The following PARVA variants were observed in gnomAD, a reference collection of about 807,000 sequenced individuals.
The protein encoded by PARVA is alpha-parvin.
PARVA carries 25 observed loss-of-function variants against 52.6 expected under a neutral mutation model. The observed-to-expected ratio is 0.48, with a 90% CI of 0.35 to 0.66. PARVA has a LOEUF of 0.66. Ranked by LOEUF, PARVA falls within the 30% of genes least tolerant of loss-of-function variation. The pLI is 0.01. For missense variants in PARVA, 373 were observed against 450.9 expected (o/e 0.83, Z 1.56); for synonymous variants, 185 against 179.1 (o/e 1.03, Z -0.26).
intron 1 of PARVA, among the ~76,000 whole-genome samples, chr11:12,389,000 C>T (rs889056695): frequency 1.3e-5 from 2 of 152,042 alleles, no homozygotes; most frequent in Non-Finnish European, 2.9e-5. Flanking sequence ...TAGGTTAGAA[C>T]TGATAGCCAA....
At chr11:12,423,399 C>T (rs547993558) in intron 1 of PARVA, among the ~76,000 whole-genome samples, 6 of 148,724 alleles carry the variant, frequency 4.0e-5, no homozygotes, top group African/African-American at 5.0e-5. Flanking sequence ...CCATGTTGGC[C>T]GGGCTGACCT....
At chr11:12,485,482 A>G (rs746190664) in intron 4 of PARVA, among the ~76,000 whole-genome samples, 23 of 152,194 alleles carry the variant, frequency 1.5e-4, no homozygotes, top group Admixed American at 6.6e-4. Context: ...AAAAATATAT[A>G]TACAGGGCCA....
At chr11:12,493,713 G>A (rs1410269318) in intron 4 of PARVA, among the ~76,000 whole-genome samples, 2 of 152,138 alleles carry the variant, frequency 1.3e-5, no homozygotes, top group Non-Finnish European at 2.9e-5. Context: ...AACAATGGAT[G>A]CTTCAGTAAG....
At chr11:12,378,064 C>T (rs952175436) in intron 1 of PARVA, among the ~76,000 whole-genome samples, 11 of 150,558 alleles carry the variant, frequency 7.3e-5, no homozygotes, top group East Asian at 2.0e-4. Context: ...CCCGCCGGGC[C>T]GTGGGCGGGC....
At chr11:12,389,411 A>G (rs932720991) in intron 1 of PARVA, among the ~76,000 whole-genome samples, 1 of 152,104 alleles carries the variant, frequency 6.6e-6, no homozygotes, top group Non-Finnish European at 1.5e-5. Context: ...TGTGAGACCC[A>G]GTGGAGGTCT....
chr11:12,386,310 C>T (rs906971208), intron 1 of PARVA, among the ~76,000 whole-genome samples: 1 of 152,216 alleles, frequency 6.6e-6, no homozygotes, highest in Admixed American at 6.5e-5. Flanking sequence ...ATCCCCCAAA[C>T]ATGTCATTTT....
chr11:12,393,941 C>T (rs1186377452), intron 1 of PARVA, among the ~76,000 whole-genome samples: 1 of 152,150 alleles, frequency 6.6e-6, no homozygotes, highest in African/African-American at 2.4e-5. Flanking sequence ...GTTTTCTTCC[C>T]ACATATAACT....
chr11:12,502,127 G>T (rs969120082), intron 5 of PARVA, among the ~76,000 whole-genome samples: 1 of 152,112 alleles, frequency 6.6e-6, no homozygotes, highest in Non-Finnish European at 1.5e-5. Context: ...TAGTTAACAA[G>T]GCCCGAAAGC....
chr11:12,446,507 A>T (rs1335510125), intron 1 of PARVA, among the ~76,000 whole-genome samples: 3 of 152,210 alleles, frequency 2.0e-5, no homozygotes, highest in African/African-American at 7.2e-5. Context: ...AATATATCCT[A>T]AAGTAATAAA....
At chr11:12,430,674 T>G (rs1184220379) in intron 1 of PARVA, among the ~76,000 whole-genome samples, 1 of 152,154 alleles carries the variant, frequency 6.6e-6, no homozygotes, top group Admixed American at 6.5e-5. Flanking sequence ...CATCTCACCC[T>G]TATTTTCCCT....
chr11:12,377,180 A>AC (rs1265910078), upstream of PARVA: 1 of 260,516 alleles, frequency 3.8e-6, no homozygotes, highest in Non-Finnish European at 7.1e-6. Context: ...GGGCCTGATA[A>AC]CCCCACAGGC....
rs566995061 is a variant in PARVA at position 12,533,355 on chromosome 11, G to T, written c.*5430G>T. 7.9e-5 allele frequency among the ~76,000 whole-genome samples: 12 copies of T among 152,304 alleles called. No individual in the cohort carries two copies. Among genetic ancestry groups the T allele is most frequent in the African/African-American group, 2.9e-4 (12 of 41,572 alleles). On this transcript the variant is annotated 3_prime_UTR_variant, in exon 13 of 13. Coordinates refer to ENST00000334956, the MANE Select transcript of PARVA (RefSeq NM_018222.5). ...ATCCCACCATTCAGCCTGTGGGCTT[G>T]ACAAACTATAAGCAAGCCTCCTGGA... is the stretch of plus-strand genomic sequence containing the variant.
chr11:12,507,477 C>G (rs1448736006), intron 6 of PARVA, among the ~76,000 whole-genome samples: 2 of 152,208 alleles, frequency 1.3e-5, no homozygotes, highest in Non-Finnish European at 1.5e-5. Flanking sequence ...AACTGGCACT[C>G]AGAGCTGCCC....
rs532895586 is a variant in PARVA, at chr11:12,477,956, G to A, written c.400+7G>A. On this transcript the variant is annotated splice_region_variant and intron_variant, in intron 4 of 12. Coordinates refer to ENST00000334956, the MANE Select transcript of PARVA (RefSeq NM_018222.5). ...GTCCTGCAGAAGCTTTTCGGTAGGA[G>A]AGTTGAGTGCTGCAATGGATGTGTG... 1.1e-5 allele frequency: 17 copies of A among 1,480,826 alleles called. No individual in the cohort carries two copies. In the South Asian group the frequency reaches 1.6e-4, roughly 14 times the overall value. The allele number at this position is 1,480,826 out of a possible 1,614,324, so 91.7% of individuals were successfully genotyped here. A position where few individuals can be genotyped will look rare whatever the true frequency, so the allele number is the denominator to read the frequency against.
At chr11:12,412,935 G>GA (rs1244865522) in intron 1 of PARVA, among the ~76,000 whole-genome samples, 4 of 152,190 alleles carry the variant, frequency 2.6e-5, no homozygotes, top group Non-Finnish European at 4.4e-5. Flanking sequence ...AAGAAGAGGG[G>GA]AAAACAGCTG....
intron 1 of PARVA, among the ~76,000 whole-genome samples, chr11:12,459,192 A>G (rs1271689569): frequency 6.6e-6 from 1 of 151,964 alleles, no homozygotes; most frequent in Non-Finnish European, 1.5e-5. Flanking sequence ...TTTTGGGCCC[A>G]GGGGTTCGAG....
chr11:12,494,795 G>A (rs1404169844), intron 4 of PARVA, among the ~76,000 whole-genome samples: 1 of 152,142 alleles, frequency 6.6e-6, no homozygotes, highest in Non-Finnish European at 1.5e-5. Flanking sequence ...CAACACAGCA[G>A]AGCTAGCAAA....
At chr11:12,513,937 CCACAGG>C (rs1941535882) in intron 9 of PARVA, 54 bp from the exon 10 acceptor site, 39 of 1,453,186 alleles carry the variant, frequency 2.7e-5, no homozygotes, top group Non-Finnish European at 3.6e-5. Context: ...CACGGAGCAG[CCACAGG>C]CTCCTGCACT....
At chr11:12,520,527 T>TGTTGTGCCTTGAAATCCCCTAGAAACTG (rs1310556920) in intron 12 of PARVA, among the ~76,000 whole-genome samples, 1 of 152,228 alleles carries the variant, frequency 6.6e-6, no homozygotes, top group Non-Finnish European at 1.5e-5. Flanking sequence ...CTCAAAGCTC[T>TGTTGTGCCTTGAAATCCCCTAGAAACTG]GTTGTGCCTT....
Sources: gnomAD v4.1 joint callset for allele counts (sites outside exome capture counted in the v4.1 genomes callset) on GRCh38, gnomAD v4.1.1 for gene constraint, MANE v1.5 for transcripts, NCBI Gene and HGNC (gene_info 2026-07-23, HGNC 2026-07-21) for gene names.